The following DLC1 variants were observed in gnomAD, a reference collection of about 807,000 sequenced individuals.
DLC1 encodes rho GTPase-activating protein 7.
A neutral mutation model predicts 140.3 loss-of-function variants in DLC1; 54 were observed. That is an observed-to-expected ratio of 0.38 (90% CI 0.31 to 0.48). The LOEUF (loss-of-function observed/expected upper bound fraction) is 0.48, where lower values mean the gene tolerates loss of function less well. DLC1 is among the 20% of genes least tolerant of loss of function. The pLI is 0.96. For synonymous variants in DLC1, 986 were observed against 728.1 expected, an observed-to-expected ratio of 1.35 and a Z score of -5.70; for missense variants, 2,536 against 1,907.0, an observed-to-expected ratio of 1.33 and a Z score of -6.14.
rs1477222043 is a variant in DLC1, at chr8:13,577,941, G to A, written c.-126+26596C>T. ...TTAAGTCCTTGGATGTGCCACAGGA[G>A]GTGGGGACATAAGGGTGGAAGCATG... is the stretch of plus-strand genomic sequence containing the variant. On this transcript the variant is annotated intron_variant, in intron 1 of 1. Coordinates refer to the DLC1 transcript ENST00000631382. 2.0e-5 allele frequency among the ~76,000 whole-genome samples: 3 copies of A among 152,122 alleles called. No individual in the cohort carries two copies. The East Asian group carries it at 5.8e-4, about 29-fold the overall frequency.
chr8:13,414,795 TCA>T (rs796760914), intron 2 of DLC1, among the ~76,000 whole-genome samples: 2 of 152,096 alleles, frequency 1.3e-5, no homozygotes, highest in African/African-American at 4.8e-5. Context: ...CACGATGTTA[TCA>T]TTTTTTTTGA....
intron 1 of DLC1, chr8:13,567,022 G>A (rs1265229038): frequency 1.9e-6 from 3 of 1,551,090 alleles, no homozygotes; most frequent in African/African-American, 2.7e-5. Context: ...GGCCCAAACG[G>A]ACAAAAGTGC....
intron 5 of DLC1, among the ~76,000 whole-genome samples, chr8:13,203,158 T>G (rs1480213448): frequency 6.6e-6 from 1 of 152,228 alleles, no homozygotes; most frequent in Non-Finnish European, 1.5e-5. Flanking sequence ...GTTGACTTCA[T>G]GGTATCTAGG....
intron 2 of DLC1, among the ~76,000 whole-genome samples, chr8:13,481,592 A>T (rs1800739074): frequency 6.6e-6 from 1 of 152,150 alleles, no homozygotes; most frequent in Non-Finnish European, 1.5e-5. Context: ...AGAATACCAG[A>T]CTCCATTAGA....
rs1195923015 is a variant in DLC1, at chr8:13,500,061, G to C, written c.11C>G (p.Ala4Gly). Residue 4 changes from alanine to glycine, a missense_variant, in exon 2 of 18, where the codon GCT becomes GGT. Coordinates refer to ENST00000276297, the MANE Select transcript of DLC1 (RefSeq NM_182643.3). ...TTCTTCCCAGCTTCTCTTTCTGATA[G>C]CTACAGACATGTCATCGTAGTTTAA... MSVAIRKRSWEEHV... is the reference protein window; with the variant it reads MSVGIRKRSWEEHV... 6.2e-7 allele frequency: 1 copy of C among 1,613,202 alleles called. No individual in the cohort carries two copies. The highest frequency in any genetic ancestry group is 2.2e-5 in the East Asian group (1 of 44,862).
At chr8:13,438,154 C>T (rs1350118754) in intron 2 of DLC1, among the ~76,000 whole-genome samples, 1 of 151,762 alleles carries the variant, frequency 6.6e-6, no homozygotes, top group African/African-American at 2.4e-5. Context: ...AGCTTTTAAA[C>T]AAACAATCCA....
intron 5 of DLC1, among the ~76,000 whole-genome samples, chr8:13,147,795 C>T (rs75499090): frequency 6.6e-6 from 1 of 152,108 alleles, no homozygotes. Flanking sequence ...TGAGACCATC[C>T]TGGCCAACAT....
chr8:13,223,710 C>T lies in DLC1; in HGVS notation c.1348+81559G>A, dbSNP rs80114506. Among the ~76,000 whole-genome samples, 240 of 152,258 alleles carry T rather than the reference C, an allele frequency of 1.6e-3. 1 individual carries two copies. Among genetic ancestry groups the T allele is most frequent in the African/African-American group, 5.6e-3 (231 of 41,570 alleles). The stretch of plus-strand genomic sequence containing the variant: ...AATTTCCAATAAACAACAAGCACTC[C>T]ATTTTATTGGTCTGTTAGGAATACA... On this transcript the variant is annotated intron_variant, in intron 5 of 17. Coordinates refer to ENST00000276297, the MANE Select transcript of DLC1 (RefSeq NM_182643.3).
chr8:13,121,041 A>G (rs1821014173), intron 5 of DLC1, among the ~76,000 whole-genome samples: 1 of 152,212 alleles, frequency 6.6e-6, no homozygotes, highest in Non-Finnish European at 1.5e-5. Flanking sequence ...CTCTTCTGTG[A>G]TAATATGCCA....
chr8:13,439,480 C>CT lies in DLC1; in HGVS notation c.1024-37862dup, dbSNP rs975583051. On this transcript the variant is annotated intron_variant, in intron 2 of 17. Transcript: ENST00000276297. ...ATACAACTTTCTCTGTTTTTCTTTT[C>CT]TTTTTTTTTTTAAATCCCTAATGAA... Among the ~76,000 whole-genome samples, 611 of 147,034 alleles carry CT rather than the reference C, an allele frequency of 4.2e-3. 3 individuals carry two copies. Among genetic ancestry groups the CT allele is most frequent in the African/African-American group, 0.013 (528 of 40,322 alleles).
intron 4 of DLC1, among the ~76,000 whole-genome samples, chr8:13,358,535 G>A (rs1200564522): frequency 6.6e-6 from 1 of 151,968 alleles, no homozygotes; most frequent in African/African-American, 2.4e-5. Context: ...TCTACAGTAG[G>A]GGAAGGAAAT....
intron 4 of DLC1, among the ~76,000 whole-genome samples, chr8:13,362,794 C>G (rs980396643): frequency 6.6e-6 from 1 of 152,162 alleles, no homozygotes; most frequent in Admixed American, 6.5e-5. Context: ...TTTCCTGTCT[C>G]AGGGCCTTTG....
chr8:13,396,113 G>A (rs1837032080), intron 3 of DLC1, among the ~76,000 whole-genome samples: 2 of 139,652 alleles, frequency 1.4e-5, no homozygotes, highest in South Asian at 4.5e-4. Context: ...AGGCTGGAGT[G>A]CAGTGGTGCG....
chr8:13,269,656 A>G (rs1234895561), intron 5 of DLC1, among the ~76,000 whole-genome samples: 1 of 142,894 alleles, frequency 7.0e-6, no homozygotes, highest in African/African-American at 2.6e-5. Context: ...TTGAGCTATG[A>G]TGATACTACT....
intron 2 of DLC1, among the ~76,000 whole-genome samples, chr8:13,440,134 C>T (rs768322133): frequency 1.3e-5 from 2 of 152,100 alleles, no homozygotes; most frequent in African/African-American, 4.8e-5. Context: ...TTCTTTATTA[C>T]GAATTTTCGA....
chr8:13,139,809 A>G (rs1285177143), intron 5 of DLC1, among the ~76,000 whole-genome samples: 2 of 152,268 alleles, frequency 1.3e-5, no homozygotes, highest in African/African-American at 4.8e-5. Context: ...AAACAAGTGG[A>G]AAGTAAAACA....
intron 4 of DLC1, among the ~76,000 whole-genome samples, chr8:13,343,711 C>G (rs943706281): frequency 6.6e-6 from 1 of 152,194 alleles, no homozygotes; most frequent in South Asian, 2.1e-4. Context: ...AGCCTGTCCT[C>G]TTTTCCTACA....
chr8:13,185,122 C>CTTTTTTTTTTTTT (rs1193667992), intron 5 of DLC1, among the ~76,000 whole-genome samples: 4 of 84,560 alleles, frequency 4.7e-5, no homozygotes, highest in African/African-American at 5.2e-5. Flanking sequence ...GCAACCCCTG[C>CTTTTTTTTTTTTT]TTTTTTTTTT....
chr8:13,100,605 G>A lies in DLC1; in HGVS notation c.1732C>T (p.Pro578Ser). Residue 578 changes from proline to serine, a missense_variant, in exon 9 of 18, where the codon CCC becomes TCC. Coordinates refer to ENST00000276297, the MANE Select transcript of DLC1 (RefSeq NM_182643.3). ...CTGAGGTCCATCAGCGTGCCTCCGG[G>A]GCTGGGGCCGTCCTTCGGGTGGGAG... Reference protein sequence around the residue: ...DDSHPKDGPSPGGTLMDLSER... With the variant: ...DDSHPKDGPSSGGTLMDLSER... 3 of 1,614,078 alleles carry A rather than the reference G, an allele frequency of 1.9e-6. 1 individual carries two copies. The highest frequency in any genetic ancestry group is 2.2e-5 in the East Asian group (1 of 44,870).
Sources: gnomAD v4.1 joint callset for allele counts (sites outside exome capture counted in the v4.1 genomes callset) on GRCh38, gnomAD v4.1.1 for gene constraint, MANE v1.5 for transcripts, NCBI Gene and HGNC (gene_info 2026-07-23, HGNC 2026-07-21) for gene names.